RPS6KC1: variants seen among roughly 807,000 people sequenced by gnomAD.
The protein encoded by RPS6KC1 is inactive ribosomal protein S6 kinase delta-1.
Under a neutral mutation model 103.8 loss-of-function variants are expected in RPS6KC1, and 54 were observed. That is an observed-to-expected ratio of 0.52 (90% CI 0.42 to 0.65). The LOEUF is 0.65. Ranked by LOEUF, RPS6KC1 falls within the 30% of genes least tolerant of loss-of-function variation. RPS6KC1 has a pLI of 0.00. For missense variants in RPS6KC1, 1,151 were observed against 1,253.8 expected, an observed-to-expected ratio of 0.92 and a Z score of 1.24; for synonymous variants, 439 against 438.7, an observed-to-expected ratio of 1.00 and a Z score of -0.01.
the RPS6KC1 span, among the ~76,000 whole-genome samples, chr1:213,853,902 TC>T: frequency 6.6e-6 from 1 of 152,188 alleles, no homozygotes; most frequent in Non-Finnish European, 1.5e-5. Flanking sequence ...TCTCTTGTCC[TC>T]ACCACAAATA....
intron 7 of RPS6KC1, among the ~76,000 whole-genome samples, chr1:213,168,456 G>T (rs1283335197): frequency 6.6e-6 from 1 of 152,306 alleles, no homozygotes; most frequent in East Asian, 1.9e-4. Context: ...AAACGCAGAT[G>T]AATACTGAAA....
At chr1:213,072,414 G>A (rs1284635567) in intron 2 of RPS6KC1, among the ~76,000 whole-genome samples, 1 of 152,002 alleles carries the variant, frequency 6.6e-6, no homozygotes, top group African/African-American at 2.4e-5. Flanking sequence ...TGGGCATGGT[G>A]GCAGGCACCT....
At chr1:213,621,783 C>G in the RPS6KC1 span, among the ~76,000 whole-genome samples, 1 of 152,066 alleles carries the variant, frequency 6.6e-6, no homozygotes, top group Admixed American at 6.6e-5. Flanking sequence ...AAAGTGTGGG[C>G]CCTTCTGAAC....
chr1:213,303,732 T>C, the RPS6KC1 span, among the ~76,000 whole-genome samples: 15 of 152,186 alleles, frequency 9.9e-5, no homozygotes, highest in Non-Finnish European at 1.6e-4. Flanking sequence ...AACTTGAGGA[T>C]AGCTCTATAT....
At chr1:213,782,583 A>G in the RPS6KC1 span, among the ~76,000 whole-genome samples, 1 of 152,146 alleles carries the variant, frequency 6.6e-6, no homozygotes, top group Admixed American at 6.5e-5. Context: ...GCCAAACTCT[A>G]ATTTTTAATT....
At chr1:213,653,737 G>T in the RPS6KC1 span, among the ~76,000 whole-genome samples, 1 of 152,146 alleles carries the variant, frequency 6.6e-6, no homozygotes, top group South Asian at 2.1e-4. Flanking sequence ...GCTTGTTCTG[G>T]CTCATAGCAG....
At chr1:213,342,178 A>G in the RPS6KC1 span, among the ~76,000 whole-genome samples, 2 of 152,166 alleles carry the variant, frequency 1.3e-5, no homozygotes, top group Admixed American at 6.5e-5. Context: ...CTGACCTACC[A>G]GACGAATGGT....
chr1:213,606,552 A>G, the RPS6KC1 span, among the ~76,000 whole-genome samples: 1 of 152,242 alleles, frequency 6.6e-6, no homozygotes, highest in Non-Finnish European at 1.5e-5. Context: ...AGGAGGAATA[A>G]GGGAAATACT....
intron 4 of RPS6KC1, among the ~76,000 whole-genome samples, chr1:213,114,008 T>C (rs1007439282): frequency 5.3e-5 from 8 of 152,098 alleles, no homozygotes; most frequent in African/African-American, 1.9e-4. Context: ...CCTCCAGCTT[T>C]GTTCTTTTGG....
chr1:213,437,873 C>G, the RPS6KC1 span, among the ~76,000 whole-genome samples: 1 of 151,930 alleles, frequency 6.6e-6, no homozygotes, highest in African/African-American at 2.4e-5. Context: ...TTCCTCTAAA[C>G]ACTGCTTTAG....
chr1:213,677,061 G>A, the RPS6KC1 span, among the ~76,000 whole-genome samples: 1 of 152,196 alleles, frequency 6.6e-6, no homozygotes, highest in Non-Finnish European at 1.5e-5. Context: ...TGATCCATAC[G>A]ATGCAGTTCC....
chr1:213,076,683 C>CT (rs2079370950), intron 2 of RPS6KC1, among the ~76,000 whole-genome samples: 1 of 151,404 alleles, frequency 6.6e-6, no homozygotes, highest in Admixed American at 6.6e-5. Context: ...GGAAAACACA[C>CT]TTTTTTACAT....
At chr1:213,799,054 T>A in the RPS6KC1 span, among the ~76,000 whole-genome samples, 1 of 152,162 alleles carries the variant, frequency 6.6e-6, no homozygotes, top group African/African-American at 2.4e-5. Context: ...AATGGAGACT[T>A]AATTTGGCTG....
At chr1:213,846,745 G>A in the RPS6KC1 span, among the ~76,000 whole-genome samples, 1 of 152,110 alleles carries the variant, frequency 6.6e-6, no homozygotes, top group African/African-American at 2.4e-5. Flanking sequence ...ATAAGAGTAA[G>A]GGTAGGGTGT....
the RPS6KC1 span, among the ~76,000 whole-genome samples, chr1:213,855,090 A>T: frequency 6.6e-6 from 1 of 152,222 alleles, no homozygotes; most frequent in Non-Finnish European, 1.5e-5. Flanking sequence ...TAGCCCCATC[A>T]GGGATGCCTC....
At chr1:213,582,713 C>T in the RPS6KC1 span, among the ~76,000 whole-genome samples, 5 of 152,092 alleles carry the variant, frequency 3.3e-5, no homozygotes, top group African/African-American at 4.8e-5. Flanking sequence ...TGGCCAAGGC[C>T]CCATAGCTAA....
At chr1:213,199,209 A>G (rs1247498188) in intron 8 of RPS6KC1, among the ~76,000 whole-genome samples, 1 of 152,244 alleles carries the variant, frequency 6.6e-6, no homozygotes. Flanking sequence ...ACTTCAGGCC[A>G]TTATTTTTGA....
the RPS6KC1 span, among the ~76,000 whole-genome samples, chr1:213,720,304 T>C: frequency 7.2e-5 from 11 of 152,214 alleles, no homozygotes; most frequent in African/African-American, 9.6e-5. Flanking sequence ...ATCATTAGAA[T>C]TGACGCACTC....
chr1:213,287,882 T>C, the RPS6KC1 span, among the ~76,000 whole-genome samples: 1 of 152,184 alleles, frequency 6.6e-6, no homozygotes, highest in Non-Finnish European at 1.5e-5. Context: ...TTGACCATAA[T>C]TAATTAGATT....
Sources: allele counts gnomAD v4.1 joint callset (sites outside exome capture counted in the v4.1 genomes callset), GRCh38; gene constraint gnomAD v4.1.1; transcripts MANE v1.5; gene names NCBI Gene and HGNC (gene_info 2026-07-23, HGNC 2026-07-21).